SORCS1: variants seen among roughly 807,000 people sequenced by gnomAD.
SORCS1 encodes the protein VPS10 domain-containing receptor SorCS1.
In SORCS1, 60 loss-of-function variants were observed where a neutral mutation model predicts 146.1. The ratio of observed to expected loss-of-function variants is 0.41; its 90% confidence interval spans 0.33 to 0.51. The LOEUF is 0.51. Among genes scored for constraint, SORCS1 ranks in the 20% least tolerant of loss-of-function variants. The pLI is 0.21. For synonymous variants in SORCS1, 637 were observed against 584.0 expected, an observed-to-expected ratio of 1.09 and a Z score of -1.31; for missense variants, 1,352 against 1,487.6, an observed-to-expected ratio of 0.91 and a Z score of 1.50.
At chr10:106,962,420 GA>G (rs1955275510) in intron 1 of SORCS1, among the ~76,000 whole-genome samples, 3 of 122,074 alleles carry the variant, frequency 2.5e-5, no homozygotes, top group Non-Finnish European at 3.5e-5. Flanking sequence ...AAAAAAGAAA[GA>G]AAAGAAAAGA....
chr10:107,159,776 G>A (rs937776716), intron 1 of SORCS1, among the ~76,000 whole-genome samples: 7 of 151,852 alleles, frequency 4.6e-5, no homozygotes, highest in Admixed American at 6.6e-5. Context: ...AAGGAATTAC[G>A]TGGACTTGCT....
intron 1 of SORCS1, among the ~76,000 whole-genome samples, chr10:107,139,368 C>T (rs1453733712): frequency 5.9e-5 from 9 of 152,082 alleles, no homozygotes; most frequent in African/African-American, 2.2e-4. Flanking sequence ...AGACAAAATG[C>T]AATTTCTATT....
chr10:106,757,502 A>G (rs1858739781), intron 5 of SORCS1, among the ~76,000 whole-genome samples: 1 of 152,226 alleles, frequency 6.6e-6, no homozygotes, highest in Non-Finnish European at 1.5e-5. Flanking sequence ...TTGATTGACA[A>G]CTTTTCTGTC....
chr10:107,042,646 C>G (rs10884406), intron 1 of SORCS1, among the ~76,000 whole-genome samples: 66,997 of 149,462 alleles, frequency 0.45, 15,615 homozygotes, highest in Middle Eastern at 0.6. Context: ...TTTCACTCTT[C>G]TTGCCAAGGC....
intron 2 of SORCS1, among the ~76,000 whole-genome samples, chr10:106,860,085 G>A (rs1257714680): frequency 2.0e-5 from 3 of 152,218 alleles, no homozygotes; most frequent in Non-Finnish European, 4.4e-5. Flanking sequence ...CTGAGTTTGT[G>A]TTGGGTAGGA....
Position 107,065,034 on chromosome 10 carries a change from T to G in SORCS1, c.558+98935A>C, listed in dbSNP as rs559836748. ...GCTGGAACTATGAGCTCGAGTGGAT[T>G]TGCTTCTCCTCACTGTTTCCCTCAG... On this transcript the variant is annotated intron_variant, in intron 1 of 25. Coordinates refer to ENST00000263054, the MANE Select transcript of SORCS1 (RefSeq NM_052918.5). 1.4e-4 allele frequency among the ~76,000 whole-genome samples: 21 copies of G among 152,264 alleles called. 1 individual carries two copies. The highest frequency in any genetic ancestry group is 4.1e-4 in the African/African-American group (17 of 41,568).
chr10:106,595,549 A>G (rs1845856039), intron 24 of SORCS1, among the ~76,000 whole-genome samples: 1 of 152,198 alleles, frequency 6.6e-6, no homozygotes. Flanking sequence ...CAGTGACTTT[A>G]AATAGTGGGA....
intron 1 of SORCS1, among the ~76,000 whole-genome samples, chr10:107,064,614 G>A (rs1218890169): frequency 2.6e-5 from 4 of 152,108 alleles, no homozygotes; most frequent in South Asian, 4.1e-4. Flanking sequence ...TCCTCTGAAG[G>A]TGTATTTTTG....
At chr10:106,919,118 T>A (rs1952582237) in intron 2 of SORCS1, among the ~76,000 whole-genome samples, 1 of 152,238 alleles carries the variant, frequency 6.6e-6, no homozygotes, top group African/African-American at 2.4e-5. Flanking sequence ...ATTATTGGCA[T>A]GAACCACCAT....
intron 2 of SORCS1, among the ~76,000 whole-genome samples, chr10:106,888,382 G>C (rs1951089600): frequency 6.6e-6 from 1 of 151,974 alleles, no homozygotes; most frequent in African/African-American, 2.4e-5. Flanking sequence ...TTTCATGATA[G>C]AAACAGCACT....
chr10:107,027,859 CGTT>C (rs1267959496), intron 1 of SORCS1, among the ~76,000 whole-genome samples: 4 of 152,186 alleles, frequency 2.6e-5, no homozygotes, highest in Admixed American at 2.0e-4. Context: ...CACAATTACT[CGTT>C]GGCCTGCCTG....
chr10:106,734,387 G>T (rs1856808171), intron 5 of SORCS1, among the ~76,000 whole-genome samples: 1 of 152,156 alleles, frequency 6.6e-6, no homozygotes, highest in South Asian at 2.1e-4. Flanking sequence ...AGCCAAGTTG[G>T]TTATCCTTTC....
rs866267889 is a variant in SORCS1, at chr10:106,776,551, A to G, written c.868T>C (p.Tyr290His). The G allele has an allele frequency of 6.2e-7, 1 of 1,614,062 alleles. No individual in the cohort carries two copies. The highest frequency in any genetic ancestry group is 1.1e-5 in the South Asian group (1 of 91,082). Residue 290 changes from tyrosine (Y) to histidine (H), a missense_variant, in exon 4 of 26, where the codon TAC becomes CAC. Tyr to His is a moderately conservative substitution (Grantham distance 83, BLOSUM62 2). This residue lies in a region of SORCS1 where 490 missense variants were observed against 489.1 expected (regional missense o/e 1.00). Transcript: ENST00000263054. ...HPKQEDWILAYSQDQKLYSSA... is the reference protein window; with the variant it reads ...HPKQEDWILAHSQDQKLYSSA... The stretch of plus-strand genomic sequence containing the variant: ...ATGCTCACCTTTTGGTCTTGACTGT[A>G]TGCCAGAATCCAGTCTTCTTGTTTG...
At chr10:106,944,375 TG>T (rs1478655367) in intron 2 of SORCS1, among the ~76,000 whole-genome samples, 6 of 152,172 alleles carry the variant, frequency 3.9e-5, no homozygotes, top group Non-Finnish European at 2.9e-5. Context: ...GCCTGAAATA[TG>T]GGATGTACTC....
chr10:106,678,329 A>G (rs1489257709), intron 12 of SORCS1, among the ~76,000 whole-genome samples: 2 of 152,164 alleles, frequency 1.3e-5, no homozygotes, highest in Admixed American at 1.3e-4. Context: ...CTCCAAGATC[A>G]ATTGCTATGG....
intron 2 of SORCS1, among the ~76,000 whole-genome samples, chr10:106,870,046 C>A (rs1423549412): frequency 1.3e-5 from 2 of 152,030 alleles, no homozygotes; most frequent in African/African-American, 4.8e-5. Context: ...TATACACTAA[C>A]AACAACCAAG....
intron 2 of SORCS1, among the ~76,000 whole-genome samples, chr10:106,891,501 A>ATTTTTTTTTTTTTTT (rs562213104): frequency 1.1e-4 from 8 of 74,058 alleles, no homozygotes; most frequent in African/African-American, 3.6e-4. Context: ...TTCAATGGGA[A>ATTTTTTTTTTTTTTT]TTCTTTTTTT....
chr10:106,740,690 G>A (rs1421251121), intron 5 of SORCS1, among the ~76,000 whole-genome samples: 2 of 152,196 alleles, frequency 1.3e-5, no homozygotes, highest in African/African-American at 4.8e-5. Flanking sequence ...GTGTGAGATT[G>A]ATGTCATATA....
chr10:106,849,892 C>G (rs907751038), intron 2 of SORCS1, among the ~76,000 whole-genome samples: 2 of 152,132 alleles, frequency 1.3e-5, no homozygotes, highest in Non-Finnish European at 2.9e-5. Context: ...CCCAGTTAGG[C>G]TGCTCGGGGG....
Sources: gnomAD v4.1 joint callset for allele counts (sites outside exome capture counted in the v4.1 genomes callset) on GRCh38, gnomAD v4.1.1 for gene constraint, gnomAD v4.1.1 regional missense constraint, MANE v1.5 for transcripts, NCBI Gene and HGNC (gene_info 2026-07-23, HGNC 2026-07-21) for gene names.